DLG2: variants seen among roughly 807,000 people sequenced by gnomAD.
The protein encoded by DLG2 is disks large homolog 2.
Under a neutral mutation model 132.5 loss-of-function variants are expected in DLG2, and 45 were observed. The observed-to-expected ratio is 0.34, with a 90% CI of 0.27 to 0.44. The LOEUF (loss-of-function observed/expected upper bound fraction) is 0.44. Ranked by LOEUF, DLG2 falls within the 20% of genes least tolerant of loss-of-function variation. DLG2 has a pLI of 1.00. For missense variants in DLG2, 1,045 were observed against 1,196.9 expected (o/e 0.87, Z 1.87); for synonymous variants, 424 against 419.6 (o/e 1.01, Z -0.13).
At chr11:85,264,505 G>A (rs1486490715) in intron 4 of DLG2, among the ~76,000 whole-genome samples, 2 of 152,134 alleles carry the variant, frequency 1.3e-5, no homozygotes, top group East Asian at 3.9e-4. Flanking sequence ...TGTTTAGGTT[G>A]CCAGCCATCA....
At chr11:84,610,848 C>G (rs996608111) in intron 6 of DLG2, among the ~76,000 whole-genome samples, 2 of 152,122 alleles carry the variant, frequency 1.3e-5, no homozygotes, top group Admixed American at 1.3e-4. Flanking sequence ...CACCTTTTCT[C>G]CCTCTGGAAT....
chr11:83,475,119 C>T (rs112109448), intron 22 of DLG2, among the ~76,000 whole-genome samples: 2,147 of 152,232 alleles, frequency 0.014, 49 homozygotes, highest in African/African-American at 0.049. Flanking sequence ...GACCTTGTGG[C>T]AATCAGGTAC....
At chr11:85,277,725 C>T (rs2077978236) in intron 4 of DLG2, among the ~76,000 whole-genome samples, 1 of 152,058 alleles carries the variant, frequency 6.6e-6, no homozygotes, top group Admixed American at 6.6e-5. Flanking sequence ...ATTTGATTTT[C>T]TTCTTTATAA....
intron 5 of DLG2, among the ~76,000 whole-genome samples, chr11:85,151,061 C>T (rs1464438760): frequency 5.3e-5 from 8 of 152,132 alleles, no homozygotes; most frequent in African/African-American, 2.4e-5. Flanking sequence ...AGCAGGCATC[C>T]TAATGGGTGT....
chr11:84,388,341 C>A (rs1304525406), intron 7 of DLG2, among the ~76,000 whole-genome samples: 3 of 151,956 alleles, frequency 2.0e-5, no homozygotes, highest in Admixed American at 1.3e-4. Context: ...ACATCTATTC[C>A]ATCTCTAATA....
At chr11:85,094,930 G>C (rs1056183204) in intron 6 of DLG2, among the ~76,000 whole-genome samples, 1 of 152,188 alleles carries the variant, frequency 6.6e-6, no homozygotes, top group South Asian at 2.1e-4. Context: ...AGTGAGAGAA[G>C]TGTGACTCTT....
At chr11:83,465,759 G>A (rs1371622318) in intron 26 of DLG2, among the ~76,000 whole-genome samples, 2 of 152,106 alleles carry the variant, frequency 1.3e-5, no homozygotes, top group African/African-American at 2.4e-5. Flanking sequence ...AGCTCTATGA[G>A]GTATTTATTA....
intron 6 of DLG2, among the ~76,000 whole-genome samples, chr11:85,077,667 C>A (rs2066727197): frequency 6.6e-6 from 1 of 151,906 alleles, no homozygotes; most frequent in Non-Finnish European, 1.5e-5. Flanking sequence ...TGTGCTACTG[C>A]ACATATAATG....
At chr11:84,508,150 C>T (rs142633870) in intron 7 of DLG2, among the ~76,000 whole-genome samples, 2 of 152,286 alleles carry the variant, frequency 1.3e-5, no homozygotes, top group East Asian at 3.9e-4. Context: ...TCTTATGATA[C>T]ACACATGTGC....
At chr11:83,612,934 G>T (rs541884937) in intron 19 of DLG2, among the ~76,000 whole-genome samples, 2 of 152,270 alleles carry the variant, frequency 1.3e-5, no homozygotes, top group South Asian at 4.1e-4. Context: ...CAAGAGCAGT[G>T]GGTATGTTTT....
intron 4 of DLG2, among the ~76,000 whole-genome samples, chr11:85,243,326 T>A (rs769712852): frequency 6.6e-6 from 1 of 151,976 alleles, no homozygotes; most frequent in Non-Finnish European, 1.5e-5. Flanking sequence ...TGACTAGACA[T>A]TGAGCTTTTC....
Position 84,350,364 on chromosome 11 carries a change from A to T in DLG2, c.520-99073T>A, listed in dbSNP as rs1014214436. 7.9e-5 allele frequency among the ~76,000 whole-genome samples: 12 copies of T among 152,270 alleles called. 1 individual carries two copies. The highest frequency in any genetic ancestry group is 4.6e-4 in the Admixed American group (7 of 15,298). On this transcript the variant is annotated intron_variant, in intron 7 of 27. Transcript: ENST00000376104. ...ATAGGCTCCACATATTTTATCACATATGCAAAGGAGTAAGTATCACAAAAT... is the reference window on the plus strand; with the variant it reads ...ATAGGCTCCACATATTTTATCACATTTGCAAAGGAGTAAGTATCACAAAAT...
At chr11:84,999,276 T>C (rs182822669) in intron 6 of DLG2, among the ~76,000 whole-genome samples, 53 of 152,218 alleles carry the variant, frequency 3.5e-4, no homozygotes, top group African/African-American at 1.3e-3. Flanking sequence ...ACCATAGAAA[T>C]CCTAAGAAAT....
At chr11:83,969,937 T>TA (rs34554842) in intron 12 of DLG2, among the ~76,000 whole-genome samples, 46,348 of 145,362 alleles carry the variant, frequency 0.32, 7,715 homozygotes, top group African/African-American at 0.46. Flanking sequence ...GTGTTTCCTC[T>TA]AAAAAAAAAA....
chr11:83,995,899 A>C (rs1437447846), intron 11 of DLG2, among the ~76,000 whole-genome samples: 1 of 152,202 alleles, frequency 6.6e-6, no homozygotes, highest in Non-Finnish European at 1.5e-5. Flanking sequence ...GAAGATTTCT[A>C]TGACATTGGT....
intron 6 of DLG2, among the ~76,000 whole-genome samples, chr11:84,676,427 A>T (rs1337965433): frequency 6.6e-6 from 1 of 152,118 alleles, no homozygotes; most frequent in Non-Finnish European, 1.5e-5. Context: ...ATTGAAACCC[A>T]GAAAGGTTAG....
At chr11:84,554,924 T>G (rs886556817) in intron 6 of DLG2, among the ~76,000 whole-genome samples, 1 of 152,106 alleles carries the variant, frequency 6.6e-6, no homozygotes, top group Non-Finnish European at 1.5e-5. Flanking sequence ...AAGCTGCCTT[T>G]CAAATGAAAG....
At position 84,420,645 on chromosome 11, in the gene DLG2, G is replaced by GTTTT. The variant is rs1567588759; in HGVS notation, c.519+113921_519+113924dup. Among the ~76,000 whole-genome samples, 41 of 48,924 alleles carry GTTTT rather than the reference G, an allele frequency of 8.4e-4. 1 individual carries two copies. Among genetic ancestry groups the GTTTT allele is most frequent in the Non-Finnish European group, 1.6e-3 (33 of 20,364 alleles). 32.1% of individuals were successfully genotyped at this position (48,924 alleles called of 152,430 possible). A position where few individuals can be genotyped will look rare whatever the true frequency, so the allele number is the denominator to read the frequency against. On this transcript the variant is annotated intron_variant, in intron 7 of 27. Transcript: ENST00000376104. ...TGCCTCAGCACAGTGACCAATGCTT[G>GTTTT]TTTTCTTTTTTTTTTTTTTTTTTTT...
At chr11:84,546,624 G>T in intron 6 of DLG2, 1 of 519,204 alleles carries the variant, frequency 1.9e-6, no homozygotes, top group Non-Finnish European at 3.7e-6. Flanking sequence ...ATGTAGCATG[G>T]CATTTAGGGC....
Sources: allele counts gnomAD v4.1 joint callset (sites outside exome capture counted in the v4.1 genomes callset), GRCh38; gene constraint gnomAD v4.1.1; transcripts MANE v1.5; gene names NCBI Gene and HGNC (gene_info 2026-07-23, HGNC 2026-07-21).